Variants in SNX29 observed in about 807,000 individuals in gnomAD.
SNX29 encodes sorting nexin-29.
Under a neutral mutation model 102.1 loss-of-function variants are expected in SNX29, and 78 were observed. That is an observed-to-expected ratio of 0.76 (90% CI 0.64 to 0.92). The LOEUF is 0.92. Ranked by LOEUF, SNX29 falls within the 40% of genes least tolerant of loss-of-function variation. The pLI, the probability that SNX29 is intolerant of heterozygous loss-of-function variation, is 0.00. For synonymous variants in SNX29, 580 were observed against 414.5 expected (o/e 1.40, Z -4.85); for missense variants, 1,280 against 1,061.7 (o/e 1.21, Z -2.86).
At chr16:12,446,302 C>G (rs543875781) in intron 18 of SNX29, among the ~76,000 whole-genome samples, 1 of 152,182 alleles carries the variant, frequency 6.6e-6, no homozygotes, top group Non-Finnish European at 1.5e-5. Flanking sequence ...GTGATCCACC[C>G]GCCTTGGCCT....
chr16:12,238,646 C>T lies in SNX29; in HGVS notation c.1678+38963C>T, dbSNP rs537785682. Among the ~76,000 whole-genome samples the T allele has an allele frequency of 2.6e-5, 4 of 152,282 alleles. No homozygotes were observed. In the South Asian group the frequency reaches 6.2e-4, roughly 24 times the overall value. On this transcript the variant is annotated intron_variant, in intron 14 of 20. Transcript: ENST00000566228. ...GCCTTGAATAGGTACTTGTGAGGAA[C>T]GTCAGTGGGGACCGCAAACCGCTGC...
At chr16:12,497,275 T>G (rs1322347012) in intron 19 of SNX29, among the ~76,000 whole-genome samples, 1 of 152,258 alleles carries the variant, frequency 6.6e-6, no homozygotes, top group Non-Finnish European at 1.5e-5. Context: ...TCCTTCATTT[T>G]TTATTTCACA....
rs547313476 is a variant in SNX29, at chr16:12,284,596, G to C, written c.1782+6560G>C. Among the ~76,000 whole-genome samples the C allele has an allele frequency of 5.8e-4, 89 of 152,330 alleles. 1 individual carries two copies. The highest frequency in any genetic ancestry group is 1.1e-3 in the Non-Finnish European group (75 of 68,038). On this transcript the variant is annotated intron_variant, in intron 15 of 20. Coordinates refer to ENST00000566228, the MANE Select transcript of SNX29 (RefSeq NM_032167.5). Reference sequence around the variant, plus strand: ...GTTGTATAAGAATGCAGCAATGCTTGGGAGGCCGTTTATTCAATAGCAATT... The same window carrying C: ...GTTGTATAAGAATGCAGCAATGCTTCGGAGGCCGTTTATTCAATAGCAATT...
intron 14 of SNX29, among the ~76,000 whole-genome samples, chr16:12,215,170 C>T (rs557672220): frequency 4.6e-5 from 7 of 152,028 alleles, no homozygotes; most frequent in Non-Finnish European, 8.8e-5. Context: ...TACTATTATC[C>T]CCATTTACAC....
chr16:12,421,430 G>A (rs1274389441), intron 18 of SNX29, among the ~76,000 whole-genome samples: 1 of 152,188 alleles, frequency 6.6e-6, no homozygotes, highest in African/African-American at 2.4e-5. Context: ...CCTTGACCAT[G>A]AATACTTAAA....
chr16:12,521,291 G>A lies in SNX29; in HGVS notation c.2179-3411G>A, dbSNP rs550281548. Among the ~76,000 whole-genome samples, 4 of 152,204 alleles carry A rather than the reference G, an allele frequency of 2.6e-5. No homozygotes were observed. The South Asian group carries it at 6.2e-4, about 24-fold the overall frequency. On this transcript the variant is annotated intron_variant, in intron 19 of 20. Transcript: ENST00000566228. ...GATTTTTTTTTTAATTCCAATTGCTGCCATATTGGACATTCCTAGAGCAGA... is the reference window on the plus strand; with the variant it reads ...GATTTTTTTTTTAATTCCAATTGCTACCATATTGGACATTCCTAGAGCAGA...
At chr16:12,055,890 C>CT (rs1410366508) in intron 8 of SNX29, among the ~76,000 whole-genome samples, 1 of 151,894 alleles carries the variant, frequency 6.6e-6, no homozygotes, top group Non-Finnish European at 1.5e-5. Context: ...TGCCTTTATT[C>CT]TTTTTTTTCT....
At chr16:12,400,436 A>T (rs999065375) in intron 17 of SNX29, among the ~76,000 whole-genome samples, 4 of 152,212 alleles carry the variant, frequency 2.6e-5, no homozygotes, top group African/African-American at 9.6e-5. Flanking sequence ...CTCACGGATG[A>T]TGAAATTGAG....
At position 12,524,821 on chromosome 16, in the gene SNX29, C is replaced by G. The variant is rs2076734188; in HGVS notation, c.2298C>G (p.Ile766Met). ...CCAGCCCCAAGAAGGAGACCCTCAT[C>G]CAGCTGATGCCCTTCTTCGTGTAAG... is the stretch of plus-strand genomic sequence containing the variant. ...FAASPKKETL[I>M]QLMPFFVDIT... The change falls in exon 20 of 21, where the codon ATC becomes ATG. Residue 766 changes from isoleucine (I) to methionine (M), a missense_variant. Physicochemically the swap from Ile to Met is conservative, Grantham distance 10 (BLOSUM62 1). Coordinates refer to ENST00000566228, the MANE Select transcript of SNX29 (RefSeq NM_032167.5). 3.1e-6 allele frequency: 5 copies of G among 1,613,538 alleles called. No homozygotes were observed. Among genetic ancestry groups the G allele is most frequent in the East Asian group, 2.2e-5 (1 of 44,878 alleles).
In SNX29 at chr16:12,193,017, T is replaced by C. The variant is rs1178543997; in HGVS notation, c.1596-6584T>C. On this transcript the variant is annotated intron_variant, in intron 13 of 20. Coordinates refer to ENST00000566228, the MANE Select transcript of SNX29 (RefSeq NM_032167.5). ...GTGCTCAGTCTAAAAAATTTTTTTG[T>C]AGAGATGTGATCTTGCTGTATTGCC... Among the ~76,000 whole-genome samples the C allele has an allele frequency of 3.9e-5, 6 of 152,256 alleles. No homozygotes were observed. In the East Asian group the frequency reaches 1.2e-3, roughly 29 times the overall value.
intron 16 of SNX29, among the ~76,000 whole-genome samples, chr16:12,391,106 C>T (rs573719883): frequency 2.8e-4 from 43 of 152,124 alleles, no homozygotes; most frequent in African/African-American, 9.9e-4. Context: ...CCACCACACC[C>T]AGCTACTTTT....
Position 12,571,608 on chromosome 16 carries a change from T to A in SNX29, c.*2979T>A. On this transcript the variant is annotated 3_prime_UTR_variant, in exon 21 of 21. Coordinates refer to ENST00000566228, the MANE Select transcript of SNX29 (RefSeq NM_032167.5). Reference sequence around the variant, plus strand: ...GCTGTGCTGAAACAGAACAGCAGGTTCCATCTTTCACATCTTTTTTTCTCC... The same window carrying A: ...GCTGTGCTGAAACAGAACAGCAGGTACCATCTTTCACATCTTTTTTTCTCC... The A allele has an allele frequency of 9.4e-7, 1 of 1,060,410 alleles. No homozygotes were observed. Among genetic ancestry groups the A allele is most frequent in the East Asian group, 5.1e-5 (1 of 19,536 alleles). 65.7% of individuals were successfully genotyped at this position (1,060,410 alleles called of 1,614,324 possible).
chr16:12,305,894 C>T (rs1450669114), intron 15 of SNX29, among the ~76,000 whole-genome samples: 1 of 152,190 alleles, frequency 6.6e-6, no homozygotes, highest in Non-Finnish European at 1.5e-5. Context: ...TTAAAAGGCT[C>T]TGTAATATGC....
At chr16:12,244,609 GAAA>G (rs558515301) in intron 14 of SNX29, among the ~76,000 whole-genome samples, 1 of 144,160 alleles carries the variant, frequency 6.9e-6, no homozygotes, top group Non-Finnish European at 1.5e-5. Flanking sequence ...CCATCTCAAA[GAAA>G]AAAAAAAAAT....
In SNX29 at chr16:12,572,619, C is replaced by A; in HGVS notation, c.*3990C>A. Reference sequence around the variant, plus strand: ...TGAGCCCCCTCCCCTCCGGCTACCCCCAGAATCCATCCTTCATTCCTCCAC... The same window carrying A: ...TGAGCCCCCTCCCCTCCGGCTACCCACAGAATCCATCCTTCATTCCTCCAC... On this transcript the variant is annotated 3_prime_UTR_variant, in exon 21 of 21. Transcript: ENST00000566228. The A allele has an allele frequency of 9.4e-7, 1 of 1,063,888 alleles. No homozygotes were observed. The highest frequency in any genetic ancestry group is 1.1e-6 in the Non-Finnish European group (1 of 878,380). 65.9% of individuals were successfully genotyped at this position (1,063,888 alleles called of 1,614,324 possible).
rs543746262 is a variant in SNX29 at position 12,378,329 on chromosome 16, G to C, written c.1900-20117G>C. Among the ~76,000 whole-genome samples, 6 of 152,256 alleles carry C rather than the reference G, an allele frequency of 3.9e-5. No homozygotes were observed. In the South Asian group the frequency reaches 8.3e-4, roughly 21 times the overall value. ...AAAGCAAGAGAGTGGGGAGGTGCCA[G>C]GTTCTTTAAAACAACCAGCTCTTGG... On this transcript the variant is annotated intron_variant, in intron 16 of 20. Transcript: ENST00000566228.
chr16:12,359,768 C>T (rs940420780), intron 16 of SNX29, among the ~76,000 whole-genome samples: 5 of 152,168 alleles, frequency 3.3e-5, no homozygotes, highest in African/African-American at 1.2e-4. Flanking sequence ...TTCATAAATA[C>T]CCAATATTTA....
At chr16:11,997,358 G>A (rs909816526) in intron 1 of SNX29, among the ~76,000 whole-genome samples, 1 of 152,140 alleles carries the variant, frequency 6.6e-6, no homozygotes, top group Non-Finnish European at 1.5e-5. Context: ...GTGCAGAGAG[G>A]CCCTCAGTGG....
At chr16:12,378,756 A>G (rs2082969164) in intron 16 of SNX29, among the ~76,000 whole-genome samples, 1 of 151,986 alleles carries the variant, frequency 6.6e-6, no homozygotes, top group African/African-American at 2.4e-5. Context: ...TATCATGGAA[A>G]CCTGGTACAT....
Sources: gnomAD v4.1 joint callset for allele counts (sites outside exome capture counted in the v4.1 genomes callset) on GRCh38, gnomAD v4.1.1 for gene constraint, MANE v1.5 for transcripts, NCBI Gene and HGNC (gene_info 2026-07-23, HGNC 2026-07-21) for gene names.